The following RBFOX1 variants were observed in gnomAD, a reference collection of about 807,000 sequenced individuals.
RBFOX1 encodes RNA binding fox-1 homolog 1.
In RBFOX1, 8 loss-of-function variants were observed where a neutral mutation model predicts 57.7. The ratio of observed to expected loss-of-function variants is 0.14; its 90% CI spans 0.08 to 0.25. The LOEUF is 0.25. Ranked by LOEUF, RBFOX1 falls within the 10% of genes least tolerant of loss-of-function variation. RBFOX1 has a pLI of 1.00. For synonymous variants in RBFOX1, 326 were observed against 222.4 expected (o/e 1.47, Z -4.15); for missense variants, 611 against 548.5 (o/e 1.11, Z -1.14).
intron 3 of RBFOX1, among the ~76,000 whole-genome samples, chr16:6,867,221 T>G (rs1328830209): frequency 1.3e-5 from 2 of 151,940 alleles, no homozygotes; most frequent in Non-Finnish European, 2.9e-5. Context: ...AGTCTTTCTG[T>G]AGGGGAAAAA....
At chr16:5,249,903 G>A (rs1789487248) in intron 1 of RBFOX1, among the ~76,000 whole-genome samples, 1 of 152,056 alleles carries the variant, frequency 6.6e-6, no homozygotes, top group Non-Finnish European at 1.5e-5. Context: ...AGGTTGCAGT[G>A]AGGAGGAGGT....
chr16:7,290,994 A>T (rs2095759473), intron 4 of RBFOX1, among the ~76,000 whole-genome samples: 1 of 152,224 alleles, frequency 6.6e-6, no homozygotes, highest in African/African-American at 2.4e-5. Context: ...TTCTGTGATT[A>T]TTTATTTAAC....
chr16:7,299,552 C>G (rs1250463990), intron 4 of RBFOX1, among the ~76,000 whole-genome samples: 1 of 152,184 alleles, frequency 6.6e-6, no homozygotes, highest in Non-Finnish European at 1.5e-5. Context: ...TGGGACGAAG[C>G]CCTTTACTCT....
intron 3 of RBFOX1, among the ~76,000 whole-genome samples, chr16:5,814,676 C>G (rs1193366193): frequency 6.6e-6 from 1 of 152,188 alleles, no homozygotes; most frequent in Non-Finnish European, 1.5e-5. Flanking sequence ...CGCCTGTAAT[C>G]CCAGCACTTT....
intron 10 of RBFOX1, among the ~76,000 whole-genome samples, chr16:7,611,504 G>C (rs373854705): frequency 6.6e-6 from 1 of 151,978 alleles, no homozygotes; most frequent in Admixed American, 6.6e-5. Flanking sequence ...ACTTGAACCT[G>C]GGAGGCAGAG....
chr16:6,440,023 T>A (rs1239854965), intron 2 of RBFOX1, among the ~76,000 whole-genome samples: 3 of 151,930 alleles, frequency 2.0e-5, no homozygotes, highest in Non-Finnish European at 2.9e-5. Context: ...TGCAACTTCC[T>A]TCTCCTGGGT....
At chr16:6,086,266 C>T (rs1198823189) in intron 1 of RBFOX1, among the ~76,000 whole-genome samples, 1 of 152,152 alleles carries the variant, frequency 6.6e-6, no homozygotes, top group African/African-American at 2.4e-5. Context: ...TGGAAGGGAA[C>T]CCCTAGATGT....
chr16:6,477,915 C>T (rs897867469), intron 2 of RBFOX1, among the ~76,000 whole-genome samples: 1 of 152,140 alleles, frequency 6.6e-6, no homozygotes, highest in African/African-American at 2.4e-5. Flanking sequence ...CTCCTCCTTG[C>T]CTTCAACCTC....
At chr16:6,164,455 G>C (rs1357543020) in intron 1 of RBFOX1, among the ~76,000 whole-genome samples, 2 of 148,406 alleles carry the variant, frequency 1.3e-5, no homozygotes, top group African/African-American at 5.0e-5. Context: ...GTTCTTTTTT[G>C]CATTGTTATA....
rs966444680 is a variant in RBFOX1 at position 7,347,063 on chromosome 16, A to G, written c.28-171084A>G. 9.2e-5 allele frequency among the ~76,000 whole-genome samples: 14 copies of G among 152,328 alleles called. No homozygotes were observed. The South Asian group carries it at 1.4e-3, about 16-fold the overall frequency. On this transcript the variant is annotated intron_variant, in intron 4 of 15. Transcript: ENST00000550418. ...AGGCCTAGTGATCTCAGCAGGCAGA[A>G]TTTATGGACATATTTTGCAGGCAAG... is the stretch of plus-strand genomic sequence containing the variant.
In RBFOX1 at chr16:5,909,090, C is replaced by CTT. The variant is rs3041577; in HGVS notation, c.351+41774_351+41775dup. ...ATCGGCTCCAACAGACTAAGCCCCCCTTTTTTTTTTTTTTTTTTTTGAGAC... is the reference window on the plus strand; with the variant it reads ...ATCGGCTCCAACAGACTAAGCCCCCCTTTTTTTTTTTTTTTTTTTTTTGAGAC... On this transcript the variant is annotated intron_variant, in intron 4 of 19. Transcript: ENST00000641259. Among the ~76,000 whole-genome samples the CTT allele has an allele frequency of 5.2e-4, 60 of 116,356 alleles. 1 individual carries two copies. The highest frequency in any genetic ancestry group is 5.7e-4 in the Non-Finnish European group (34 of 59,898). The allele number at this position is 116,356 out of a possible 152,430, so 76.3% of individuals were successfully genotyped here. A position where few individuals can be genotyped will look rare whatever the true frequency, so the allele number is the denominator to read the frequency against.
chr16:5,640,844 C>T (rs1049467799), intron 3 of RBFOX1, among the ~76,000 whole-genome samples: 1 of 151,246 alleles, frequency 6.6e-6, no homozygotes, highest in Non-Finnish European at 1.5e-5. Flanking sequence ...CACACACACA[C>T]ACACACACAC....
chr16:6,644,628 A>C (rs2098518740), intron 2 of RBFOX1, among the ~76,000 whole-genome samples: 1 of 152,184 alleles, frequency 6.6e-6, no homozygotes, highest in Non-Finnish European at 1.5e-5. Context: ...ATCCTTACTT[A>C]GCTTCTCATG....
At chr16:5,422,333 G>A (rs192882841) in intron 1 of RBFOX1, among the ~76,000 whole-genome samples, 6 of 140,566 alleles carry the variant, frequency 4.3e-5, no homozygotes, top group African/African-American at 1.6e-4. Flanking sequence ...GGGAAGAGGA[G>A]AACGTGGAGG....
chr16:7,004,904 C>G (rs921502270), intron 3 of RBFOX1, among the ~76,000 whole-genome samples: 8 of 152,252 alleles, frequency 5.3e-5, no homozygotes, highest in Non-Finnish European at 1.2e-4. Flanking sequence ...AATTCCAGGA[C>G]TTTGTAAGGT....
At chr16:7,271,809 G>A (rs1445285614) in intron 4 of RBFOX1, among the ~76,000 whole-genome samples, 2 of 151,752 alleles carry the variant, frequency 1.3e-5, no homozygotes, top group East Asian at 3.9e-4. Flanking sequence ...TAAATGTCTG[G>A]GTTTCACTCA....
chr16:7,340,032 G>C (rs1037870154), intron 4 of RBFOX1, among the ~76,000 whole-genome samples: 3 of 152,162 alleles, frequency 2.0e-5, no homozygotes, highest in Non-Finnish European at 4.4e-5. Flanking sequence ...AAGAATTCCA[G>C]ATTGCAGTCT....
chr16:5,250,504 T>C (rs145476665), intron 1 of RBFOX1, among the ~76,000 whole-genome samples: 2,418 of 152,330 alleles, frequency 0.016, 48 homozygotes, highest in African/African-American at 0.048. Flanking sequence ...CTCCCACTTA[T>C]GAGTGAGAAC....
intron 1 of RBFOX1, among the ~76,000 whole-genome samples, chr16:5,274,966 A>C (rs190480013): frequency 6.6e-6 from 1 of 152,188 alleles, no homozygotes; most frequent in Non-Finnish European, 1.5e-5. Context: ...TCATGTACTA[A>C]GACCGGAGAT....
Sources: gnomAD v4.1 joint callset for allele counts (sites outside exome capture counted in the v4.1 genomes callset) on GRCh38, gnomAD v4.1.1 for gene constraint, MANE v1.5 for transcripts, NCBI Gene and HGNC (gene_info 2026-07-23, HGNC 2026-07-21) for gene names.